CCDC171: variants seen among roughly 807,000 people sequenced by gnomAD.
CCDC171 encodes coiled-coil domain-containing protein 171.
In CCDC171, 177 loss-of-function variants were observed where a neutral mutation model predicts 168.2. That is an observed-to-expected ratio of 1.05 (90% CI 0.93 to 1.19). The LOEUF (loss-of-function observed/expected upper bound fraction) is 1.19. Among genes scored for constraint, CCDC171 ranks in the 50% most tolerant of loss-of-function variants. The pLI is 0.00. For synonymous variants in CCDC171, 687 were observed against 540.8 expected (o/e 1.27, Z -3.75); for missense variants, 1,991 against 1,539.0 (o/e 1.29, Z -4.91).
intron 11 of CCDC171, among the ~76,000 whole-genome samples, chr9:15,699,182 G>A (rs374845140): frequency 1.3e-5 from 2 of 152,106 alleles, no homozygotes; most frequent in African/African-American, 4.8e-5. Context: ...TCTTGGTCTC[G>A]CTGGTTCAGG....
intron 24 of CCDC171, among the ~76,000 whole-genome samples, chr9:15,882,590 A>C (rs766438349): frequency 6.6e-6 from 1 of 152,184 alleles, no homozygotes; most frequent in Non-Finnish European, 1.5e-5. Flanking sequence ...GTGAGATAAC[A>C]ATAGTGATCT....
intron 10 of CCDC171, 22 bp downstream of exon 10, chr9:15,678,918 C>G: frequency 6.5e-7 from 1 of 1,544,488 alleles, no homozygotes; most frequent in Non-Finnish European, 8.7e-7. Flanking sequence ...AAAGAAAACC[C>G]TATGGAAATC....
chr9:15,652,597 ATTTTTGTTTTTTG>A (rs2047612575), intron 7 of CCDC171, among the ~76,000 whole-genome samples: 1 of 151,846 alleles, frequency 6.6e-6, no homozygotes, highest in Non-Finnish European at 1.5e-5. Context: ...CACTTGGCTA[ATTTTTGTTTTTTG>A]TTTTTGTTTT....
At chr9:15,664,901 G>A (rs2048619294) in intron 8 of CCDC171, among the ~76,000 whole-genome samples, 2 of 151,984 alleles carry the variant, frequency 1.3e-5, no homozygotes, top group Admixed American at 1.3e-4. Context: ...GTTTCTCCAT[G>A]TTGGTCAGGC....
At chr9:15,636,275 T>A (rs1276522703) in intron 7 of CCDC171, among the ~76,000 whole-genome samples, 1 of 152,194 alleles carries the variant, frequency 6.6e-6, no homozygotes, top group South Asian at 2.1e-4. Flanking sequence ...CCTCATACTC[T>A]AACCACACAT....
intron 3 of CCDC171, among the ~76,000 whole-genome samples, chr9:16,017,042 G>A (rs1833042449): frequency 6.6e-6 from 1 of 152,156 alleles, no homozygotes; most frequent in Non-Finnish European, 1.5e-5. Context: ...GGATGTTGGG[G>A]CAGGGAATGA....
At chr9:15,664,303 C>G (rs905349976) in intron 8 of CCDC171, among the ~76,000 whole-genome samples, 4 of 152,100 alleles carry the variant, frequency 2.6e-5, no homozygotes, top group Non-Finnish European at 5.9e-5. Flanking sequence ...GGCTGGGGTG[C>G]AGTGGTGCGA....
chr9:15,558,753 G>T (rs896511497), intron 1 of CCDC171, among the ~76,000 whole-genome samples: 1 of 152,014 alleles, frequency 6.6e-6, no homozygotes, highest in Non-Finnish European at 1.5e-5. Context: ...TCTGATCTTA[G>T]TTATTTCTTG....
chr9:15,609,503 C>T (rs930168313), intron 6 of CCDC171, among the ~76,000 whole-genome samples: 1 of 152,080 alleles, frequency 6.6e-6, no homozygotes, highest in Admixed American at 6.6e-5. Context: ...AAAGATAATG[C>T]GTATATAGCA....
At chr9:16,029,268 G>C (rs1315695561) in intron 6 of CCDC171, among the ~76,000 whole-genome samples, 1 of 151,648 alleles carries the variant, frequency 6.6e-6, no homozygotes, top group African/African-American at 2.4e-5. Flanking sequence ...ATTTTAAAAT[G>C]CCCATAATTC....
chr9:15,802,393 G>A (rs2058867640), intron 21 of CCDC171, among the ~76,000 whole-genome samples: 1 of 151,812 alleles, frequency 6.6e-6, no homozygotes, highest in Non-Finnish European at 1.5e-5. Flanking sequence ...TATCCTTCCT[G>A]ATCCTCTCCC....
intron 3 of CCDC171, among the ~76,000 whole-genome samples, chr9:15,997,518 C>T (rs1281851433): frequency 6.6e-6 from 1 of 152,220 alleles, no homozygotes. Context: ...TATACAGTTT[C>T]AGGGAATAGC....
intron 25 of CCDC171, among the ~76,000 whole-genome samples, chr9:15,957,200 C>T (rs184017752): frequency 4.6e-5 from 7 of 152,166 alleles, no homozygotes; most frequent in Admixed American, 4.6e-4. Flanking sequence ...GGCAGGCAGA[C>T]ACCATGCACC....
chr9:15,874,649 G>T lies in CCDC171; in HGVS notation c.3586G>T (p.Val1196Leu), dbSNP rs1817611346. The change falls in exon 24 of 26, where the codon GTG becomes TTG. Residue 1196 changes from valine to leucine, a missense_variant. Coordinates refer to ENST00000380701, the MANE Select transcript of CCDC171 (RefSeq NM_173550.4). ...AMEGLKGGPE[V>L]VACQAMIKSF... Reference sequence around the variant, plus strand: ...GGAGGGGCTCAAGGGCGGGCCAGAGGTGGTAGCATGCCAGGTTAGAGTCTA... The same window carrying T: ...GGAGGGGCTCAAGGGCGGGCCAGAGTTGGTAGCATGCCAGGTTAGAGTCTA... The T allele has an allele frequency of 1.9e-6, 3 of 1,583,426 alleles. No homozygotes were observed. The highest frequency in any genetic ancestry group is 2.6e-6 in the Non-Finnish European group (3 of 1,164,772).
chr9:15,580,939 G>A (rs2041062086), intron 4 of CCDC171, among the ~76,000 whole-genome samples: 1 of 152,094 alleles, frequency 6.6e-6, no homozygotes. Flanking sequence ...AGGGCAATCA[G>A]GCAAGAGAAA....
intron 6 of CCDC171, among the ~76,000 whole-genome samples, chr9:15,603,595 T>C (rs533591082): frequency 6.6e-6 from 1 of 152,352 alleles, no homozygotes; most frequent in South Asian, 2.1e-4. Context: ...CATTCATTTA[T>C]GGCTGCATAG....
intron 24 of CCDC171, among the ~76,000 whole-genome samples, chr9:15,882,509 T>C (rs372783373): frequency 5.3e-5 from 8 of 152,182 alleles, no homozygotes; most frequent in Non-Finnish European, 1.2e-4. Context: ...AAAGAAAATC[T>C]TTGCCCAGAT....
chr9:15,687,703 A>G (rs1377739757), intron 10 of CCDC171, among the ~76,000 whole-genome samples: 2 of 152,226 alleles, frequency 1.3e-5, no homozygotes, highest in Non-Finnish European at 2.9e-5. Context: ...GGATATAACT[A>G]CTGACCACGC....
intron 21 of CCDC171, among the ~76,000 whole-genome samples, chr9:15,822,892 C>G (rs200469429): frequency 6.6e-6 from 1 of 151,976 alleles, no homozygotes; most frequent in South Asian, 2.1e-4. Flanking sequence ...ACACGTATGT[C>G]TATTGTGGCA....
Sources: allele counts gnomAD v4.1 joint callset (sites outside exome capture counted in the v4.1 genomes callset), GRCh38; gene constraint gnomAD v4.1.1; transcripts MANE v1.5; gene names NCBI Gene and HGNC (gene_info 2026-07-23, HGNC 2026-07-21).